The following NACC2 variants were observed in gnomAD, a reference collection of about 807,000 sequenced individuals.
NACC2 encodes the protein NACC family member 2.
A neutral mutation model predicts 25.1 loss-of-function variants in NACC2; 8 were observed. That is an observed-to-expected ratio of 0.32 (90% CI 0.19 to 0.57). The LOEUF is 0.57. Among genes scored for constraint, NACC2 ranks in the 20% least tolerant of loss-of-function variants. The pLI is 0.89. For missense variants in NACC2, 644 were observed against 650.2 expected (o/e 0.99, Z 0.10); for synonymous variants, 435 against 294.7 (o/e 1.48, Z -4.88).
At chr9:136,043,887 G>A (rs1018643947) in intron 2 of NACC2, among the ~76,000 whole-genome samples, 11 of 152,098 alleles carry the variant, frequency 7.2e-5, no homozygotes, top group Non-Finnish European at 4.4e-5. Flanking sequence ...GTGCAGTGGC[G>A]CAATCTCAGC....
At chr9:136,046,578 C>G (rs995534710) in intron 2 of NACC2, among the ~76,000 whole-genome samples, 4 of 152,204 alleles carry the variant, frequency 2.6e-5, no homozygotes, top group African/African-American at 9.6e-5. Context: ...GGGACCGAGA[C>G]GGGGCCTGCC....
chr9:136,077,173 A>G (rs1830271906), intron 1 of NACC2, among the ~76,000 whole-genome samples: 2 of 135,716 alleles, frequency 1.5e-5, no homozygotes, highest in South Asian at 2.4e-4. Context: ...AGAAAAAAAC[A>G]AACAAAAATT....
rs551388878 is a variant in NACC2 at position 136,055,834 on chromosome 9, CAGTT to C, written c.-59-5258_-59-5255del. Among the ~76,000 whole-genome samples the C allele has an allele frequency of 2.9e-4, 44 of 152,172 alleles. No individual in the cohort carries two copies. The highest frequency in any genetic ancestry group is 5.3e-4 in the Non-Finnish European group (36 of 68,026). On this transcript the variant is annotated intron_variant, in intron 1 of 5. Transcript: ENST00000277554. This position sits in a 1 kb window ranked among gnomAD's most constrained non-coding sequence, Gnocchi z 4.9. ...CCGGCCCCTGGTGGAGACTGCCTGG[CAGTT>C]AGTTAAGTGAGGACATCTCCTAAAA...
chr9:136,074,904 G>A (rs1256007012), intron 1 of NACC2, among the ~76,000 whole-genome samples: 1 of 152,230 alleles, frequency 6.6e-6, no homozygotes, highest in African/African-American at 2.4e-5. Flanking sequence ...AGGGCCGGGG[G>A]ATGCTGGCGG....
At chr9:136,050,636 AAGGGG>A (rs1840815245) in intron 1 of NACC2, 56 bp from the exon 2 acceptor site, 3 of 676,588 alleles carry the variant, frequency 4.4e-6, no homozygotes, top group Non-Finnish European at 8.1e-6. Context: ...CTCCCCGCTC[AAGGGG>A]CCGTTCCCAC....
chr9:136,039,952 T>C (rs1840603262), intron 2 of NACC2, among the ~76,000 whole-genome samples: 1 of 152,126 alleles, frequency 6.6e-6, no homozygotes, highest in African/African-American at 2.4e-5. Context: ...AACAGGATGA[T>C]GGCCTATGTA....
At chr9:136,079,733 C>A (rs77006359) in intron 1 of NACC2, among the ~76,000 whole-genome samples, 3 of 152,168 alleles carry the variant, frequency 2.0e-5, no homozygotes, top group African/African-American at 7.2e-5. Flanking sequence ...AGATGGGTCT[C>A]AGGCCTCCCA....
At chr9:136,061,458 C>T (rs1588576064) in intron 1 of NACC2, among the ~76,000 whole-genome samples, 1 of 152,206 alleles carries the variant, frequency 6.6e-6, no homozygotes, top group East Asian at 1.9e-4. Flanking sequence ...GGAACCCTGA[C>T]CATTGAGGGG....
intron 2 of NACC2, among the ~76,000 whole-genome samples, chr9:136,035,712 T>TA (rs35266940): frequency 0.38 from 55,347 of 145,858 alleles, 10,381 homozygotes; most frequent in East Asian, 0.61. Flanking sequence ...CCTTGTTTGT[T>TA]AAAAAAAAAA....
chr9:136,057,623 A>AGCCAGC (rs1346932171), intron 1 of NACC2, among the ~76,000 whole-genome samples: 2 of 152,246 alleles, frequency 1.3e-5, no homozygotes, highest in East Asian at 1.9e-4. Flanking sequence ...TAACTTAAAA[A>AGCCAGC]GCCAGCGCCA....
At chr9:136,044,646 T>G (rs1430043494) in intron 2 of NACC2, among the ~76,000 whole-genome samples, 1 of 152,174 alleles carries the variant, frequency 6.6e-6, no homozygotes, top group Non-Finnish European at 1.5e-5. Context: ...GGGACGATGG[T>G]GCGATTTGCA....
At chr9:136,060,892 C>T (rs1454894993) in intron 1 of NACC2, among the ~76,000 whole-genome samples, 1 of 152,214 alleles carries the variant, frequency 6.6e-6, no homozygotes, top group Non-Finnish European at 1.5e-5. Flanking sequence ...CCAGGAAGCC[C>T]CCCAACACAG....
At chr9:136,028,986 G>A (rs1441966963) in intron 2 of NACC2, among the ~76,000 whole-genome samples, 1 of 152,194 alleles carries the variant, frequency 6.6e-6, no homozygotes, top group Non-Finnish European at 1.5e-5. Flanking sequence ...GGGGCTAACA[G>A]CCTGGGTGTG....
Position 136,050,264 on chromosome 9 carries a change from G to A in NACC2, c.258C>T (p.Tyr86=), listed in dbSNP as rs974351284. 4 of 766,756 alleles carry A rather than the reference G, an allele frequency of 5.2e-6. No homozygotes were observed. The highest frequency in any genetic ancestry group is 7.3e-6 in the Non-Finnish European group (3 of 413,544). The allele number at this position is 766,756 out of a possible 1,614,324, so 47.5% of individuals were successfully genotyped here. The part of the protein sequence containing the change: ...ACFQQILSFC[Y]TGRLTMTASE... ...TGGCCGTCATGGTGAGCCTGCCCGT[G>A]TAGCAGAAGGACAGGATCTGCTGGA... Residue 86 remains tyrosine (Y), a synonymous_variant, in exon 2 of 6, where the codon TAC becomes TAT. Coordinates refer to ENST00000277554, the MANE Select transcript of NACC2 (RefSeq NM_144653.5).
In NACC2 at chr9:136,062,753, A is replaced by T. The variant is rs563987757; in HGVS notation, c.-59-12173T>A. 5.3e-5 allele frequency among the ~76,000 whole-genome samples: 8 copies of T among 152,228 alleles called. No individual in the cohort carries two copies. The South Asian group carries it at 1.7e-3, about 32-fold the overall frequency. ...AACATGGCGAAACCCCATCTCTACA[A>T]AAAAATACAAAGACTTAGCCAAGTG... On this transcript the variant is annotated intron_variant, in intron 1 of 5. Coordinates refer to ENST00000277554, the MANE Select transcript of NACC2 (RefSeq NM_144653.5).
At chr9:136,041,089 C>CAAAGT (rs1840622798) in intron 2 of NACC2, among the ~76,000 whole-genome samples, 1 of 20,628 alleles carries the variant, frequency 4.8e-5, no homozygotes, top group Non-Finnish European at 1.8e-4. Flanking sequence ...AGGAAGGAAG[C>CAAAGT]AAAGGAAAGG....
chr9:136,057,674 G>A (rs548403409), intron 1 of NACC2, among the ~76,000 whole-genome samples: 1 of 152,240 alleles, frequency 6.6e-6, no homozygotes, highest in Non-Finnish European at 1.5e-5. Flanking sequence ...GGCTGCAGTA[G>A]GGTCTCCCCT....
At chr9:136,085,708 C>A (rs1480369117) in intron 1 of NACC2, among the ~76,000 whole-genome samples, 3 of 152,178 alleles carry the variant, frequency 2.0e-5, no homozygotes, top group African/African-American at 7.2e-5. Context: ...TCAAATCGTT[C>A]GGGAAAATGT....
Position 136,022,758 on chromosome 9 carries a change from G to A in NACC2, c.887-6329C>T, listed in dbSNP as rs1307798904. Among the ~76,000 whole-genome samples the A allele has an allele frequency of 2.0e-5, 3 of 151,976 alleles. No individual in the cohort carries two copies. Among genetic ancestry groups the A allele is most frequent in the South Asian group, 4.1e-4 (2 of 4,828 alleles). On this transcript the variant is annotated intron_variant, in intron 2 of 5. Transcript: ENST00000277554. This position sits in a 1 kb window ranked among gnomAD's most constrained non-coding sequence, Gnocchi z 4.4. The stretch of plus-strand genomic sequence containing the variant: ...GTCATCCTCCAGAAAGACCAGAAAC[G>A]ACTTCCACGCTGTACTTGGTGGGAG...
Sources: allele counts gnomAD v4.1 joint callset (sites outside exome capture counted in the v4.1 genomes callset), GRCh38; gene constraint gnomAD v4.1.1; non-coding constraint Gnocchi (gnomAD v3.1); transcripts MANE v1.5; gene names NCBI Gene and HGNC (gene_info 2026-07-23, HGNC 2026-07-21).